Variants in DENND1B observed in about 807,000 individuals in gnomAD.
DENND1B encodes DENN domain-containing protein 1B.
A neutral mutation model predicts 90.1 loss-of-function variants in DENND1B; 59 were observed. The observed-to-expected ratio is 0.65, with a 90% CI of 0.53 to 0.81. The LOEUF (loss-of-function observed/expected upper bound fraction) is 0.81, where lower values mean the gene tolerates loss of function less well. Among genes scored for constraint, DENND1B ranks in the 40% least tolerant of loss-of-function variants. The probability of loss-of-function intolerance (pLI) is 0.00; values close to 1 mark genes in which losing one functional copy is unlikely to be tolerated. For synonymous variants in DENND1B, 337 were observed against 324.6 expected, an observed-to-expected ratio of 1.04 and a Z score of -0.41; for missense variants, 862 against 912.6, an observed-to-expected ratio of 0.94 and a Z score of 0.71.
chr1:197,595,444 C>T, intron 13 of DENND1B, 111 bp from the exon 14 acceptor site: 2 of 1,319,928 alleles, frequency 1.5e-6, no homozygotes, highest in Non-Finnish European at 2.1e-6. Flanking sequence ...AAAAATTCAT[C>T]CTCCTCCCTG....
intron 3 of DENND1B, chr1:197,690,252 G>A: frequency 3.7e-6 from 1 of 268,294 alleles, no homozygotes; most frequent in Non-Finnish European, 7.6e-6. Flanking sequence ...CAGCAAAAAT[G>A]ACTCACCAAT....
intron 1 of DENND1B, among the ~76,000 whole-genome samples, chr1:197,774,774 G>A (rs746809786): frequency 6.6e-6 from 1 of 152,204 alleles, no homozygotes; most frequent in African/African-American, 2.4e-5. Flanking sequence ...CACACAGGCA[G>A]CCCCAGGAGA....
chr1:197,629,811 C>T (rs1377946404), intron 10 of DENND1B, among the ~76,000 whole-genome samples: 1 of 151,928 alleles, frequency 6.6e-6, no homozygotes, highest in Non-Finnish European at 1.5e-5. Flanking sequence ...CTGATAAGAG[C>T]CTGTTATCCA....
intron 9 of DENND1B, among the ~76,000 whole-genome samples, chr1:197,643,153 G>A (rs1680422255): frequency 1.3e-5 from 2 of 151,690 alleles, no homozygotes; most frequent in Admixed American, 6.6e-5. Context: ...CATCTTTAGT[G>A]TATGTCCCCA....
At chr1:197,647,305 G>A (rs1038424550) in intron 7 of DENND1B, among the ~76,000 whole-genome samples, 191 bp from the exon 8 acceptor site, 1 of 151,948 alleles carries the variant, frequency 6.6e-6, no homozygotes, top group African/African-American at 2.4e-5. Context: ...CCTAATGAAA[G>A]TATTTTCATA....
intron 3 of DENND1B, among the ~76,000 whole-genome samples, chr1:197,714,408 A>G (rs1027491110): frequency 1.1e-4 from 17 of 152,182 alleles, no homozygotes; most frequent in African/African-American, 4.1e-4. Context: ...ATTTACATAT[A>G]TCATGTAAAA....
rs530844797 is a variant in DENND1B at position 197,522,839 on chromosome 1, A to G, written c.1516-9886T>C. On this transcript the variant is annotated intron_variant, in intron 20 of 22. Transcript: ENST00000620048. Reference sequence around the variant, plus strand: ...ATTAATTTCACCATTGGCAAAGCACAAGGGAAGAGGTAGCTGCCATATAAA... The same window carrying G: ...ATTAATTTCACCATTGGCAAAGCACGAGGGAAGAGGTAGCTGCCATATAAA... Among the ~76,000 whole-genome samples the G allele has an allele frequency of 1.7e-3, 253 of 152,236 alleles. 5 individuals carry two copies. In the South Asian group the frequency reaches 0.021, roughly 12 times the overall value.
At chr1:197,583,558 C>A (rs1207010507) in intron 14 of DENND1B, among the ~76,000 whole-genome samples, 1 of 152,154 alleles carries the variant, frequency 6.6e-6, no homozygotes, top group Non-Finnish European at 1.5e-5. Flanking sequence ...TTAAACATAG[C>A]ACACATACCT....
rs750574845 is a variant in DENND1B at position 197,539,978 on chromosome 1, G to A, written c.1501C>T (p.Arg501Cys). ...ACCTTACTTACCTGAGCAAGCTTAC[G>A]CTTTTCTGAGTTTCCTCCCTTTTCA... ...HNEKGGNSEK[R>C]KLAQARLKRP... Residue 501 changes from arginine to cysteine, a missense_variant, in exon 20 of 23, where the codon CGT (arginine) becomes TGT (cysteine). By Grantham distance (180) the Arg-to-Cys change is radical. Transcript: ENST00000620048. The A allele has an allele frequency of 9.3e-6, 15 of 1,612,412 alleles. No homozygotes were observed. The highest frequency in any genetic ancestry group is 4.4e-5 in the South Asian group (4 of 91,006).
intron 15 of DENND1B, among the ~76,000 whole-genome samples, chr1:197,560,829 T>C (rs546762887): frequency 9.9e-5 from 15 of 152,052 alleles, no homozygotes; most frequent in Admixed American, 2.6e-4. Flanking sequence ...TCTCCTTAAA[T>C]GTTTAACGAC....
intron 18 of DENND1B, among the ~76,000 whole-genome samples, chr1:197,543,197 G>A (rs1317315348): frequency 6.6e-6 from 1 of 152,090 alleles, no homozygotes; most frequent in African/African-American, 2.4e-5. Flanking sequence ...GGCTTCCCAG[G>A]TGCTGGGATT....
chr1:197,731,992 C>G (rs1662197878), intron 2 of DENND1B, among the ~76,000 whole-genome samples: 1 of 152,176 alleles, frequency 6.6e-6, no homozygotes, highest in Non-Finnish European at 1.5e-5. Context: ...TCACTTTATT[C>G]ATCATTGTAA....
Position 197,616,680 on chromosome 1 carries a change from C to A in DENND1B, c.773+979G>T, listed in dbSNP as rs116496933. ...AAACCCTCTGTGTATGAACTTAAAT[C>A]ATTTTTAATCCTTAATACTTTCTGC... On this transcript the variant is annotated intron_variant, in intron 11 of 22. Coordinates refer to ENST00000620048, the MANE Select transcript of DENND1B (RefSeq NM_001195215.2). Among the ~76,000 whole-genome samples the A allele has an allele frequency of 6.1e-3, 920 of 151,204 alleles. 11 individuals are homozygous for A. The highest frequency in any genetic ancestry group is 0.021 in the African/African-American group (880 of 41,400).
chr1:197,691,860 A>G (rs1657921583), intron 3 of DENND1B, among the ~76,000 whole-genome samples: 1 of 151,994 alleles, frequency 6.6e-6, no homozygotes, highest in Admixed American at 6.6e-5. Flanking sequence ...AGCCAGTCTC[A>G]AAAAGACAAA....
At chr1:197,657,566 A>G (rs1454363799) in intron 6 of DENND1B, among the ~76,000 whole-genome samples, 1 of 144,954 alleles carries the variant, frequency 6.9e-6, no homozygotes, top group Non-Finnish European at 1.5e-5. Context: ...ATTAACCAAA[A>G]AAGAAAAGAA....
At chr1:197,552,167 G>T in intron 16 of DENND1B, 1 of 939,148 alleles carries the variant, frequency 1.1e-6, no homozygotes, top group Non-Finnish European at 1.3e-6. Flanking sequence ...TTTACATATA[G>T]ACTGAAGTTT....
intron 10 of DENND1B, among the ~76,000 whole-genome samples, chr1:197,635,965 G>A (rs1202371080): frequency 2.0e-5 from 3 of 147,182 alleles, no homozygotes; most frequent in African/African-American, 5.0e-5. Flanking sequence ...GTGACTGACT[G>A]AACAAGATTA....
intron 10 of DENND1B, among the ~76,000 whole-genome samples, chr1:197,635,345 A>G (rs1464844615): frequency 6.6e-6 from 1 of 151,914 alleles, no homozygotes; most frequent in Non-Finnish European, 1.5e-5. Context: ...TATTTATTTT[A>G]TTTTATTTTT....
At position 197,775,240 on chromosome 1, in the gene DENND1B, G is replaced by GT. The variant is rs1657166843; in HGVS notation, c.-86dup. ...AGCCCGGCCGCGCGAGGGTCGCGCC[G>GT]TCCCCGCCCACGCCGGCGGCCACAC... On this transcript the variant is annotated 5_prime_UTR_variant, in exon 1 of 23. Transcript: ENST00000620048. The GT allele has an allele frequency of 9.0e-7, 1 of 1,108,664 alleles. No individual in the cohort carries two copies. Among genetic ancestry groups the GT allele is most frequent in the African/African-American group, 1.6e-5 (1 of 61,018 alleles). The allele number at this position is 1,108,664 out of a possible 1,614,324, so 68.7% of individuals were successfully genotyped here.
Sources: allele counts gnomAD v4.1 joint callset (sites outside exome capture counted in the v4.1 genomes callset), GRCh38; gene constraint gnomAD v4.1.1; transcripts MANE v1.5; gene names NCBI Gene and HGNC (gene_info 2026-07-23, HGNC 2026-07-21).